The following RBFOX1 variants were observed in gnomAD, a reference collection of about 807,000 sequenced individuals.
The protein encoded by RBFOX1 is RNA binding protein fox-1 homolog 1.
Under a neutral mutation model 57.7 loss-of-function variants are expected in RBFOX1, and 8 were observed. That is an observed-to-expected ratio of 0.14 (90% CI 0.08 to 0.25). The LOEUF is 0.25. Ranked by LOEUF, RBFOX1 falls within the 10% of genes least tolerant of loss-of-function variation. The pLI, the probability that RBFOX1 is intolerant of heterozygous loss-of-function variation, is 1.00. For missense variants in RBFOX1, 611 were observed against 548.5 expected (o/e 1.11, Z -1.14); for synonymous variants, 326 against 222.4 (o/e 1.47, Z -4.15).
At chr16:7,551,707 C>T (rs552679955) in intron 5 of RBFOX1, among the ~76,000 whole-genome samples, 11 of 152,246 alleles carry the variant, frequency 7.2e-5, no homozygotes, top group African/African-American at 2.4e-4. Flanking sequence ...GAATAGGCTG[C>T]CAAGGGCCAA....
chr16:7,580,265 C>T (rs2093650519), intron 6 of RBFOX1, among the ~76,000 whole-genome samples: 1 of 152,150 alleles, frequency 6.6e-6, no homozygotes, highest in Non-Finnish European at 1.5e-5. Context: ...AGCAAAAATA[C>T]ACATCGAGTC....
chr16:7,654,730 C>T (rs1446555817), intron 12 of RBFOX1, among the ~76,000 whole-genome samples: 2 of 152,168 alleles, frequency 1.3e-5, no homozygotes, highest in African/African-American at 2.4e-5. Context: ...TATTCTTGCA[C>T]CTCTGCAGCC....
intron 5 of RBFOX1, among the ~76,000 whole-genome samples, chr16:7,549,135 G>A (rs1365566686): frequency 6.6e-6 from 1 of 152,224 alleles, no homozygotes; most frequent in Non-Finnish European, 1.5e-5. Context: ...GGAAGGCAGA[G>A]GTTCCAGAGA....
At chr16:5,889,241 C>G (rs910319144) in intron 4 of RBFOX1, among the ~76,000 whole-genome samples, 5 of 152,146 alleles carry the variant, frequency 3.3e-5, no homozygotes, top group Non-Finnish European at 7.3e-5. Flanking sequence ...TCTCCCTCCC[C>G]ACACTCTCCG....
chr16:7,403,562 T>TCCCC (rs33991020), intron 4 of RBFOX1, among the ~76,000 whole-genome samples: 11 of 114,666 alleles, frequency 9.6e-5, no homozygotes, highest in African/African-American at 3.0e-4. Flanking sequence ...AATGAGAGAA[T>TCCCC]CCCCCCCCCC....
intron 4 of RBFOX1, among the ~76,000 whole-genome samples, chr16:7,054,223 GGGC>G (rs1330406417): frequency 2.0e-5 from 2 of 99,520 alleles, no homozygotes; most frequent in African/African-American, 7.6e-5. Flanking sequence ...CGGGGGGGGG[GGGC>G]GGGGAGCTTT....
At position 6,757,452 on chromosome 16, in the gene RBFOX1, C is replaced by G. The variant is rs558259301; in HGVS notation, c.-16+102802C>G. 1.2e-4 allele frequency among the ~76,000 whole-genome samples: 19 copies of G among 152,282 alleles called. No homozygotes were observed. The East Asian group carries it at 1.7e-3, about 14-fold the overall frequency. On this transcript the variant is annotated intron_variant, in intron 3 of 15. Coordinates refer to ENST00000550418, the MANE Select transcript of RBFOX1 (RefSeq NM_018723.4). ...TGTGGTATATATGCACAACAGAATA[C>G]TATTCAGCCCTGAAAAAGGATGAAA...
chr16:6,974,921 C>T (rs866461016), intron 3 of RBFOX1, among the ~76,000 whole-genome samples: 4 of 152,132 alleles, frequency 2.6e-5, no homozygotes, highest in Non-Finnish European at 5.9e-5. Flanking sequence ...CCTGGACCCT[C>T]CCTCTTTTAA....
intron 3 of RBFOX1, among the ~76,000 whole-genome samples, chr16:5,795,913 C>T (rs1020354855): frequency 1.3e-5 from 2 of 152,186 alleles, no homozygotes; most frequent in Non-Finnish European, 2.9e-5. Flanking sequence ...GTTTGCTCTA[C>T]TGGAGATAGG....
rs532738085 is a variant in RBFOX1 at position 6,447,878 on chromosome 16, G to C, written c.-64+130821G>C. On this transcript the variant is annotated intron_variant, in intron 2 of 15. Transcript: ENST00000550418. ...AGCCGTCCAATCGGAGTGAACCTGT[G>C]TGTTAGGACTTGTTCAAGGGAGTGA... 5.9e-5 allele frequency among the ~76,000 whole-genome samples: 9 copies of C among 152,230 alleles called. No individual in the cohort carries two copies. The East Asian group carries it at 1.7e-3, about 30-fold the overall frequency.
chr16:7,311,478 C>CT (rs1190746565), intron 4 of RBFOX1, among the ~76,000 whole-genome samples: 37,029 of 122,360 alleles, frequency 0.3, 7,989 homozygotes, highest in African/African-American at 0.59. Flanking sequence ...TGAGCCTTTT[C>CT]TTTTTTTTTT....
intron 1 of RBFOX1, chr16:5,365,661 C>T (rs1158994019): frequency 2.1e-5 from 7 of 336,430 alleles, no homozygotes; most frequent in East Asian, 8.7e-5. Context: ...GAGTAAGACC[C>T]TGTCTCAGTA....
At chr16:5,637,214 C>T (rs1444875200) in intron 3 of RBFOX1, among the ~76,000 whole-genome samples, 2 of 152,180 alleles carry the variant, frequency 1.3e-5, no homozygotes, top group African/African-American at 4.8e-5. Flanking sequence ...GCAAATCAGC[C>T]TAAAGTAGGC....
At chr16:5,364,082 C>G (rs1596671016) in intron 1 of RBFOX1, among the ~76,000 whole-genome samples, 1 of 152,252 alleles carries the variant, frequency 6.6e-6, no homozygotes, top group Admixed American at 6.5e-5. Flanking sequence ...GAAGCAGAAA[C>G]TGGCAGCCAG....
At chr16:6,260,072 C>T (rs1422930944) in intron 1 of RBFOX1, among the ~76,000 whole-genome samples, 3 of 151,882 alleles carry the variant, frequency 2.0e-5, no homozygotes, top group African/African-American at 4.8e-5. Context: ...TTTGAGTTTT[C>T]GAATTCTAGT....
rs148336762 is a variant in RBFOX1 at position 7,210,341 on chromosome 16, C to T, written c.27+158243C>T. Among the ~76,000 whole-genome samples, 509 of 152,258 alleles carry T rather than the reference C, an allele frequency of 3.3e-3. 10 individuals are homozygous for T. Among genetic ancestry groups the T allele is most frequent in the Non-Finnish European group, 3.4e-3 (234 of 68,022 alleles). ...GCAACTCTTGGGCAGGAGCTGACAGCGTGGACCACACTGTGGTCCTCAAGG... is the reference window on the plus strand; with the variant it reads ...GCAACTCTTGGGCAGGAGCTGACAGTGTGGACCACACTGTGGTCCTCAAGG... On this transcript the variant is annotated intron_variant, in intron 4 of 15. Transcript: ENST00000550418.
At chr16:7,602,614 G>A (rs1341416847) in intron 9 of RBFOX1, among the ~76,000 whole-genome samples, 2 of 152,182 alleles carry the variant, frequency 1.3e-5, no homozygotes, top group Non-Finnish European at 2.9e-5. Flanking sequence ...CAGGTACGAG[G>A]AGGAGTCACA....
chr16:7,020,820 G>A (rs2038789305), intron 3 of RBFOX1, among the ~76,000 whole-genome samples: 1 of 152,064 alleles, frequency 6.6e-6, no homozygotes, highest in African/African-American at 2.4e-5. Context: ...ACCGGCTTAA[G>A]TGAGCACTTA....
chr16:6,345,291 T>G (rs1251238706), intron 2 of RBFOX1, among the ~76,000 whole-genome samples: 1 of 152,196 alleles, frequency 6.6e-6, no homozygotes, highest in Admixed American at 6.5e-5. Context: ...GTACTGCTCC[T>G]TACAGAGCAG....
Sources: allele counts gnomAD v4.1 joint callset (sites outside exome capture counted in the v4.1 genomes callset), GRCh38; gene constraint gnomAD v4.1.1; transcripts MANE v1.5; gene names NCBI Gene and HGNC (gene_info 2026-07-23, HGNC 2026-07-21).